WDR27: variants seen among roughly 807,000 people sequenced by gnomAD.
WDR27 encodes the protein WD repeat-containing protein 27.
WDR27 carries 100 observed loss-of-function variants against 114.4 expected under a neutral mutation model. The observed-to-expected ratio is 0.87, with a 90% CI of 0.74 to 1.03. The LOEUF is 1.03. Among genes scored for constraint, WDR27 ranks in the 50% least tolerant of loss-of-function variants. The probability of loss-of-function intolerance (pLI) is 0.00; values close to 1 mark genes in which losing one functional copy is unlikely to be tolerated. For synonymous variants in WDR27, 449 were observed against 423.1 expected (o/e 1.06, Z -0.75); for missense variants, 1,129 against 1,092.9 (o/e 1.03, Z -0.47).
At chr6:169,587,793 T>G (rs1394580448) in intron 23 of WDR27, among the ~76,000 whole-genome samples, 1 of 152,270 alleles carries the variant, frequency 6.6e-6, no homozygotes, top group Non-Finnish European at 1.5e-5. Flanking sequence ...TGCAAGGTTT[T>G]CGTGCCTGCT....
chr6:169,437,901 T>A, the WDR27 span, among the ~76,000 whole-genome samples: 1 of 152,170 alleles, frequency 6.6e-6, no homozygotes, highest in Non-Finnish European at 1.5e-5. Flanking sequence ...CTTCTTTTTT[T>A]TATAATTTAA....
intron 6 of WDR27, 55 bp from the exon 7 acceptor site, chr6:169,665,611 C>T (rs1827638438): frequency 6.6e-7 from 1 of 1,521,964 alleles, no homozygotes; most frequent in Non-Finnish European, 9.0e-7. Flanking sequence ...TACCAATTAA[C>T]CCGAGAACTG....
At chr6:169,646,430 A>C (rs1190357463) in intron 16 of WDR27, among the ~76,000 whole-genome samples, 1 of 152,152 alleles carries the variant, frequency 6.6e-6, no homozygotes, top group Non-Finnish European at 1.5e-5. Flanking sequence ...TTATGTTGAA[A>C]CATTTTCCAA....
chr6:169,573,096 G>T (rs1027917829), intron 24 of WDR27, among the ~76,000 whole-genome samples: 1 of 152,034 alleles, frequency 6.6e-6, no homozygotes, highest in African/African-American at 2.4e-5. Context: ...GTTGCAGCCC[G>T]AGCCTCCCGG....
chr6:169,428,844 T>C, the WDR27 span, among the ~76,000 whole-genome samples: 2 of 152,186 alleles, frequency 1.3e-5, no homozygotes, highest in African/African-American at 2.4e-5. Context: ...GCCGCTCCTC[T>C]TCCCGTGAAG....
chr6:169,495,026 G>T (rs996451724), intron 25 of WDR27, among the ~76,000 whole-genome samples: 6 of 152,072 alleles, frequency 3.9e-5, no homozygotes, highest in Admixed American at 1.3e-4. Context: ...AATACATAAT[G>T]TAATTTAATA....
rs914274596 is a variant in WDR27 at position 169,580,983 on chromosome 6, A to G, written c.2523+1853T>C. ...TATATATATATAAATTCGGTATATG[A>G]TATCATTATCCTTAATGAATCAGTG... On this transcript the variant is annotated intron_variant, in intron 24 of 25. Transcript: ENST00000448612. Among the ~76,000 whole-genome samples the G allele has an allele frequency of 7.3e-4, 108 of 148,278 alleles. 2 individuals are homozygous for G. The highest frequency in any genetic ancestry group is 8.6e-4 in the Non-Finnish European group (58 of 67,374).
At chr6:169,586,325 C>G (rs76508226) in intron 23 of WDR27, among the ~76,000 whole-genome samples, 3,167 of 152,304 alleles carry the variant, frequency 0.021, 70 homozygotes, top group East Asian at 0.087. Context: ...CATGGCTTTT[C>G]CTATAACAGT....
At chr6:169,692,745 C>T (rs1301550199) in intron 1 of WDR27, among the ~76,000 whole-genome samples, 2 of 152,138 alleles carry the variant, frequency 1.3e-5, no homozygotes, top group Admixed American at 1.3e-4. Context: ...GCCCAAGAAC[C>T]ACTCCCACGT....
chr6:169,685,691 A>G (rs1333486369), intron 2 of WDR27, among the ~76,000 whole-genome samples: 1 of 152,192 alleles, frequency 6.6e-6, no homozygotes, highest in African/African-American at 2.4e-5. Flanking sequence ...ATAAAAAAGA[A>G]TAAAGCCTAT....
chr6:169,672,102 G>T, intron 3 of WDR27, 153 bp downstream of exon 3: 2 of 690,798 alleles, frequency 2.9e-6, no homozygotes, highest in Non-Finnish European at 2.2e-6. Flanking sequence ...TTGCATGCCT[G>T]GGTTCAAGGT....
Position 169,652,006 on chromosome 6 carries a change from C to T in WDR27, c.1405G>A (p.Ala469Thr). ...TKAASEQRRAARNVMKDQRLV... is the reference protein window; with the variant it reads ...TKAASEQRRATRNVMKDQRLV... ...CGTTGGTCCTTCATGACGTTCCGTG[C>T]AGCTGTGGAAAGGCAATTTTAAAGA... The change falls in exon 14 of 26, where the codon GCA (alanine) becomes ACA (threonine). Residue 469 changes from alanine to threonine, a missense_variant and splice_region_variant. By Grantham distance (58) the Ala-to-Thr change is moderately conservative. Coordinates refer to ENST00000448612, the MANE Select transcript of WDR27 (RefSeq NM_182552.5). 1 of 1,613,542 alleles carries T rather than the reference C, an allele frequency of 6.2e-7. No individual in the cohort carries two copies. Among genetic ancestry groups the T allele is most frequent in the African/African-American group, 1.3e-5 (1 of 74,992 alleles).
chr6:169,541,012 A>G (rs1248576019), intron 25 of WDR27, among the ~76,000 whole-genome samples: 2 of 152,220 alleles, frequency 1.3e-5, no homozygotes, highest in African/African-American at 4.8e-5. Flanking sequence ...CTAGCCTTCA[A>G]TTTAATTGGT....
intron 23 of WDR27, among the ~76,000 whole-genome samples, chr6:169,596,567 G>T (rs935267568): frequency 6.6e-6 from 1 of 151,658 alleles, no homozygotes; most frequent in Non-Finnish European, 1.5e-5. Flanking sequence ...TTTTTATGGT[G>T]TACTCTTGTT....
At chr6:169,486,631 A>G (rs913775146) in intron 25 of WDR27, among the ~76,000 whole-genome samples, 1 of 152,192 alleles carries the variant, frequency 6.6e-6, no homozygotes, top group Non-Finnish European at 1.5e-5. Flanking sequence ...AGCTGGGATT[A>G]TGGGCAAATG....
chr6:169,589,437 G>A (rs77378489), intron 23 of WDR27, among the ~76,000 whole-genome samples: 2,165 of 152,288 alleles, frequency 0.014, 125 homozygotes, highest in Admixed American at 0.097. Context: ...CTTGAAAAGC[G>A]CTTCCTGAGA....
intron 25 of WDR27, among the ~76,000 whole-genome samples, chr6:169,458,612 G>A (rs1368304663): frequency 6.6e-6 from 1 of 152,056 alleles, no homozygotes; most frequent in African/African-American, 2.4e-5. Context: ...CCAATGTGGT[G>A]AAACCCTATC....
At chr6:169,438,280 C>T in the WDR27 span, among the ~76,000 whole-genome samples, 2 of 145,212 alleles carry the variant, frequency 1.4e-5, no homozygotes, top group Non-Finnish European at 3.0e-5. Context: ...CTCTGTCACC[C>T]AGGCTGGAGT....
intron 23 of WDR27, among the ~76,000 whole-genome samples, chr6:169,587,512 C>T (rs1218240579): frequency 6.6e-6 from 1 of 152,180 alleles, no homozygotes; most frequent in Non-Finnish European, 1.5e-5. Flanking sequence ...AGCCACTGCG[C>T]CCGGCCCTCA....
Sources: allele counts gnomAD v4.1 joint callset (sites outside exome capture counted in the v4.1 genomes callset), GRCh38; gene constraint gnomAD v4.1.1; transcripts MANE v1.5; gene names NCBI Gene and HGNC (gene_info 2026-07-23, HGNC 2026-07-21).